SYMPK: variants seen among roughly 807,000 people sequenced by gnomAD.
SYMPK encodes the protein symplekin.
SYMPK carries 49 observed loss-of-function variants against 136.4 expected under a neutral mutation model. That is an observed-to-expected ratio of 0.36 (90% CI 0.29 to 0.46). The LOEUF is 0.46. Ranked by LOEUF, SYMPK falls within the 20% of genes least tolerant of loss-of-function variation. SYMPK has a pLI of 1.00. For missense variants in SYMPK, 1,365 were observed against 1,690.0 expected (o/e 0.81, Z 3.37); for synonymous variants, 766 against 713.0 (o/e 1.07, Z -1.19).
intron 12 of SYMPK, 124 bp downstream of exon 12, chr19:45,831,260 T>C (rs556919193): frequency 2.5e-4 from 171 of 693,352 alleles, no homozygotes; most frequent in Non-Finnish European, 3.3e-4. Context: ...TATTCCAGAC[T>C]TCCTTCTGTC....
At chr19:45,839,910 G>C (rs1971395380) in intron 9 of SYMPK, among the ~76,000 whole-genome samples, 1 of 152,130 alleles carries the variant, frequency 6.6e-6, no homozygotes, top group South Asian at 2.1e-4. Context: ...ATTTTACATA[G>C]TTTCAAATAT....
Position 45,821,026 on chromosome 19 carries a change from T to C in SYMPK, c.2893+358A>G. ...TGGAGCCCTGGGTCTGCCCTGCTGC[T>C]GCGCCTCTACCACTCACGGTGTGCC... On this transcript the variant is annotated intron_variant, in intron 22 of 26. Transcript: ENST00000245934. This position sits in a 1 kb window ranked among gnomAD's most constrained non-coding sequence, Gnocchi z 4.4. The C allele has an allele frequency of 1.7e-6, 1 of 605,758 alleles. No individual in the cohort carries two copies. Among genetic ancestry groups the C allele is most frequent in the Non-Finnish European group, 2.9e-6 (1 of 340,530 alleles). 37.5% of individuals were successfully genotyped at this position (605,758 alleles called of 1,614,324 possible).
chr19:45,840,274 C>T (rs2146327025), intron 9 of SYMPK, among the ~76,000 whole-genome samples: 1 of 141,954 alleles, frequency 7.0e-6, no homozygotes, highest in African/African-American at 2.6e-5. Flanking sequence ...AAGATCAGGC[C>T]ACTGTACTCC....
At chr19:45,835,002 T>C (rs1172304934) in intron 11 of SYMPK, 76 bp downstream of exon 11, 1 of 1,355,044 alleles carries the variant, frequency 7.4e-7, no homozygotes, top group African/African-American at 1.5e-5. Context: ...CCACGAGAAG[T>C]TGCTCTTCCA....
intron 5 of SYMPK, among the ~76,000 whole-genome samples, chr19:45,850,861 G>A (rs529358413): frequency 7.9e-4 from 120 of 152,222 alleles, no homozygotes; most frequent in Middle Eastern, 3.4e-3. Flanking sequence ...CAGTGAAGGT[G>A]GGGTGCCTGA....
chr19:45,847,423 CA>C (rs200632491), intron 7 of SYMPK, among the ~76,000 whole-genome samples: 22,145 of 127,478 alleles, frequency 0.17, 1,609 homozygotes, highest in Admixed American at 0.21. Context: ...GACTCCATCT[CA>C]AAAAAAAAAA....
chr19:45,839,771 G>A (rs1971392062), intron 9 of SYMPK, among the ~76,000 whole-genome samples: 1 of 152,036 alleles, frequency 6.6e-6, no homozygotes, highest in Non-Finnish European at 1.5e-5. Context: ...GGCGGAGCTT[G>A]CAGTGAGCCA....
intron 1 of SYMPK, chr19:45,862,154 T>C (rs1438848579): frequency 1.3e-5 from 2 of 152,258 alleles, no homozygotes; most frequent in East Asian, 3.8e-4. Context: ...CATTTCCTTT[T>C]ATCTACCTCA....
chr19:45,817,922 C>T (rs1316200949), intron 23 of SYMPK, 37 bp downstream of exon 23: 3 of 1,523,854 alleles, frequency 2.0e-6, no homozygotes, highest in South Asian at 2.5e-5. Context: ...AAGCTGCTGT[C>T]TGCAGCCTGG....
chr19:45,848,945 C>T (rs2303013), intron 5 of SYMPK, 69 bp from the exon 6 acceptor site: 390,276 of 1,586,398 alleles, frequency 0.25, 48,480 homozygotes, highest in Admixed American at 0.27. Context: ...AGCCTGAGGT[C>T]CAGGAGGGAA....
At chr19:45,819,005 G>GGC (rs1555792920) in intron 22 of SYMPK, 1 of 87,030 alleles carries the variant, frequency 1.1e-5, no homozygotes, top group East Asian at 3.1e-4. Context: ...GTCTCTAAGG[G>GGC]GGGGGGCGTA....
At chr19:45,854,895 T>TTTTTTTTTG (rs376270156) in intron 1 of SYMPK, 1 of 200,946 alleles carries the variant, frequency 5.0e-6, no homozygotes, top group South Asian at 8.8e-5. Context: ...TTTTTTTTTT[T>TTTTTTTTTG]GAGATGAAGT....
intron 3 of SYMPK, 128 bp downstream of exon 3, chr19:45,854,047 C>A: frequency 5.7e-6 from 5 of 877,542 alleles, no homozygotes; most frequent in Non-Finnish European, 9.4e-6. Flanking sequence ...GAGGCCTGCA[C>A]TGAGCACTGT....
chr19:45,846,765 A>G (rs1379069556), intron 7 of SYMPK, among the ~76,000 whole-genome samples: 3 of 151,520 alleles, frequency 2.0e-5, no homozygotes, highest in Non-Finnish European at 2.9e-5. Context: ...CTTTTGATTC[A>G]CCCATATTGC....
chr19:45,850,879 G>T (rs1220451494), intron 5 of SYMPK, among the ~76,000 whole-genome samples: 1 of 152,092 alleles, frequency 6.6e-6, no homozygotes, highest in Non-Finnish European at 1.5e-5. Flanking sequence ...TGAGACATGG[G>T]GCTGCATGGG....
rs988424674 is a variant in SYMPK, at chr19:45,816,925, C to T, written c.3131G>A (p.Arg1044His). ...VWEGFIKCCQ[R>H]TKPQSFQVIL... ...GACCTGGAAGCTCTGGGGCTTTGTG[C>T]GCTGGCAGCACTTGATGAAGCCCTC... The change falls in exon 24 of 27, where the codon CGC (arginine) becomes CAC (histidine). Residue 1044 changes from arginine (R) to histidine (H), a missense_variant. Physicochemically the swap from Arg to His is conservative, Grantham distance 29. This residue lies in a region of SYMPK where 156 missense variants were observed against 217.8 expected (regional missense o/e 0.72). Transcript: ENST00000245934. 4 of 1,558,876 alleles carry T rather than the reference C, an allele frequency of 2.6e-6. No homozygotes were observed. The highest frequency in any genetic ancestry group is 3.5e-6 in the Non-Finnish European group (4 of 1,151,400).
At chr19:45,831,308 C>T in intron 12 of SYMPK, 76 bp downstream of exon 12, 3 of 1,259,762 alleles carry the variant, frequency 2.4e-6, no homozygotes, top group Non-Finnish European at 3.2e-6. Context: ...CACGCACACG[C>T]ACACGCACAC....
At chr19:45,841,072 G>C (rs903199516) in intron 9 of SYMPK, among the ~76,000 whole-genome samples, 1 of 150,770 alleles carries the variant, frequency 6.6e-6, no homozygotes, top group Non-Finnish European at 1.5e-5. Flanking sequence ...TGCAACCACT[G>C]CCCCCAGTTC....
At chr19:45,832,391 C>T (rs774433286) in intron 11 of SYMPK, among the ~76,000 whole-genome samples, 7 of 152,144 alleles carry the variant, frequency 4.6e-5, no homozygotes, top group Non-Finnish European at 1.0e-4. Flanking sequence ...ATCCACCCGC[C>T]TCAGCCTCCC....
Sources: allele counts gnomAD v4.1 joint callset (sites outside exome capture counted in the v4.1 genomes callset), GRCh38; gene constraint gnomAD v4.1.1; regional missense constraint gnomAD v4.1.1; non-coding constraint Gnocchi (gnomAD v3.1); transcripts MANE v1.5; gene names NCBI Gene and HGNC (gene_info 2026-07-23, HGNC 2026-07-21).